Variants in IL27RA observed in about 807,000 individuals in gnomAD.
IL27RA encodes the protein interleukin-27 receptor subunit alpha.
In IL27RA, 61 loss-of-function variants were observed where a neutral mutation model predicts 80.8. That is an observed-to-expected ratio of 0.76 (90% CI 0.61 to 0.93). IL27RA has a LOEUF of 0.93. Among genes scored for constraint, IL27RA ranks in the 40% least tolerant of loss-of-function variants. IL27RA has a pLI of 0.00. For missense variants in IL27RA, 735 were observed against 808.1 expected (o/e 0.91, Z 1.10); for synonymous variants, 316 against 332.5 (o/e 0.95, Z 0.54).
At position 14,031,810 on chromosome 19, in the gene IL27RA, G is replaced by C; in HGVS notation, c.-63G>C. The C allele has an allele frequency of 7.2e-7, 1 of 1,389,338 alleles. No homozygotes were observed. The highest frequency in any genetic ancestry group is 1.3e-5 in the South Asian group (1 of 77,686). The allele number at this position is 1,389,338 out of a possible 1,614,324, so 86.1% of individuals were successfully genotyped here. A position where few individuals can be genotyped will look rare whatever the true frequency, so the allele number is the denominator to read the frequency against. On this transcript the variant is annotated 5_prime_UTR_variant, in exon 1 of 14. Coordinates refer to ENST00000263379, the MANE Select transcript of IL27RA (RefSeq NM_004843.4). ...GGGCGCTGTACCCAGAGCTCGAAGA[G>C]GAGCAGCGCGGCCGCGCGGACCCGG...
In IL27RA at chr19:14,049,194, G is replaced by A. The variant is rs1941037833; in HGVS notation, c.1282G>A (p.Ala428Thr). 8.7e-6 allele frequency: 14 copies of A among 1,614,136 alleles called. No individual in the cohort carries two copies. The highest frequency in any genetic ancestry group is 1.2e-5 in the Non-Finnish European group (14 of 1,179,998). ...GCCAACGCTTTGGCGACTCCAAGAT[G>A]CCCCTCCAGGGACCCCCGCCATAGC... ...VGPTLWRLQD[A>T]PPGTPAIAWG... is the part of the protein sequence containing the mutation. The change falls in exon 10 of 14, where the codon GCC (alanine) becomes ACC (threonine). Residue 428 changes from alanine (A) to threonine (T), a missense_variant. Coordinates refer to ENST00000263379, the MANE Select transcript of IL27RA (RefSeq NM_004843.4).
Position 14,040,006 on chromosome 19 carries a change from C to T in IL27RA, c.534+96C>T, listed in dbSNP as rs552269402. ...ACCCAGCCCAGGACTCATTCTGTGC[C>T]TGCCCCTGAGCCTGTATGCCTCCCA... On this transcript the variant is annotated intron_variant, in intron 4 of 13. Transcript: ENST00000263379. 118 of 1,266,328 alleles carry T rather than the reference C, an allele frequency of 9.3e-5. 2 individuals carry two copies. In the African/African-American group the frequency reaches 1.6e-3, roughly 17 times the overall value. 78.4% of individuals were successfully genotyped at this position (1,266,328 alleles called of 1,614,324 possible). A position where few individuals can be genotyped will look rare whatever the true frequency, so the allele number is the denominator to read the frequency against.
chr19:14,042,158 C>G (rs1405072677), intron 4 of IL27RA, among the ~76,000 whole-genome samples: 8 of 149,262 alleles, frequency 5.4e-5, no homozygotes, highest in Admixed American at 6.7e-5. Flanking sequence ...GAGATCGTGC[C>G]ACTGCACTCC....
rs143119833 is a variant in IL27RA at position 14,048,429 on chromosome 19, A to T, written c.1142-552A>T. Among the ~76,000 whole-genome samples the T allele has an allele frequency of 2.6e-5, 4 of 152,282 alleles. No individual in the cohort carries two copies. In the East Asian group the frequency reaches 7.7e-4, roughly 29 times the overall value. On this transcript the variant is annotated intron_variant, in intron 8 of 13. Transcript: ENST00000263379. ...GGAAAATTCCCAGTTGGGGAAGGCT[A>T]TGTGGATGTGATAGGGTTTAGGGGA...
At position 14,049,141 on chromosome 19, in the gene IL27RA, T is replaced by C; in HGVS notation, c.1244-15T>C. 6.2e-7 allele frequency: 1 copy of C among 1,613,160 alleles called. No homozygotes were observed. The highest frequency in any genetic ancestry group is 1.1e-5 in the South Asian group (1 of 91,070). The stretch of plus-strand genomic sequence containing the variant: ...GTAACCCAGGCCGACCTTGACCTAC[T>C]GCCTTCCTCCCCAGCACCCCTAGTG... On this transcript the variant is annotated splice_polypyrimidine_tract_variant and intron_variant, in intron 9 of 13. Coordinates refer to ENST00000263379, the MANE Select transcript of IL27RA (RefSeq NM_004843.4).
At chr19:14,036,907 C>T (rs1191002136) in intron 2 of IL27RA, among the ~76,000 whole-genome samples, 1 of 151,928 alleles carries the variant, frequency 6.6e-6, no homozygotes, top group Non-Finnish European at 1.5e-5. Flanking sequence ...GTGATCTCAG[C>T]TCACTGCAAC....
At chr19:14,044,066 A>G (rs1976029359) in intron 6 of IL27RA, among the ~76,000 whole-genome samples, 1 of 151,484 alleles carries the variant, frequency 6.6e-6, no homozygotes, top group Admixed American at 6.6e-5. Flanking sequence ...AAAAAAAAAA[A>G]AAGGTATTAT....
intron 10 of IL27RA, 93 bp from the exon 11 acceptor site, chr19:14,050,665 G>C: frequency 7.3e-7 from 1 of 1,361,592 alleles, no homozygotes; most frequent in Non-Finnish European, 1.0e-6. Flanking sequence ...GTGGATACCT[G>C]GGAGAGAGTG....
chr19:14,032,241 C>T (rs1975828029), intron 1 of IL27RA, 145 bp from the exon 2 acceptor site: 3 of 736,940 alleles, frequency 4.1e-6, no homozygotes, highest in Non-Finnish European at 6.9e-6. Flanking sequence ...GGAGCCCGGG[C>T]AGGGGTGCCT....
At chr19:14,047,815 G>A (rs1032659644) in intron 8 of IL27RA, among the ~76,000 whole-genome samples, 8 of 139,048 alleles carry the variant, frequency 5.8e-5, no homozygotes, top group African/African-American at 8.8e-5. Context: ...CACCACGCCC[G>A]GCTAATTTTT....
chr19:14,039,997 A>C, intron 4 of IL27RA, 87 bp downstream of exon 4: 1 of 1,333,696 alleles, frequency 7.5e-7, no homozygotes. Context: ...CCCAGGACTC[A>C]TTCTGTGCCT....
At chr19:14,032,070 G>A in intron 1 of IL27RA, 98 bp downstream of exon 1, 1 of 1,082,540 alleles carries the variant, frequency 9.2e-7, no homozygotes. Flanking sequence ...CAGAGCGAAC[G>A]GTAGAGGTGC....
intron 4 of IL27RA, among the ~76,000 whole-genome samples, 156 bp downstream of exon 4, chr19:14,040,066 C>T (rs1975967866): frequency 6.6e-6 from 1 of 152,058 alleles, no homozygotes; most frequent in South Asian, 2.1e-4. Context: ...TGTTCAGCTA[C>T]AAATTCTCCT....
chr19:14,046,553 G>A lies in IL27RA; in HGVS notation c.1076G>A (p.Gly359Glu), dbSNP rs763971517. 9 of 1,613,834 alleles carry A rather than the reference G, an allele frequency of 5.6e-6. No individual in the cohort carries two copies. Among genetic ancestry groups the A allele is most frequent in the Non-Finnish European group, 7.6e-6 (9 of 1,179,948 alleles). The change falls in exon 8 of 14, where the codon GGG becomes GAG. Residue 359 changes from glycine to glutamate, a missense_variant. Gly to Glu is a moderately conservative substitution (Grantham distance 98). Coordinates refer to ENST00000263379, the MANE Select transcript of IL27RA (RefSeq NM_004843.4). ...LEHVVDWARD[G>E]DPLEKLNWVR... Reference sequence around the variant, plus strand: ...CATGTAGTGGACTGGGCTCGAGATGGGGACCCCCTGGAGAAACTCAACTGG... The same window carrying A: ...CATGTAGTGGACTGGGCTCGAGATGAGGACCCCCTGGAGAAACTCAACTGG...
At position 14,046,607 on chromosome 19, in the gene IL27RA, C is replaced by A; in HGVS notation, c.1130C>A (p.Ala377Asp). Residue 377 changes from alanine to aspartate, a missense_variant, in exon 8 of 14, where the codon GCT (alanine) becomes GAT (aspartate). Coordinates refer to ENST00000263379, the MANE Select transcript of IL27RA (RefSeq NM_004843.4). ...CGGCTTCCCCCTGGGAACCTCAGTG[C>A]TCTGTTACCAGGTGAGGCCCTGGGA... The part of the protein sequence containing the change: ...WVRLPPGNLS[A>D]LLPGNFTVGV... 6.2e-7 allele frequency: 1 copy of A among 1,605,282 alleles called. No individual in the cohort carries two copies.
chr19:14,041,810 A>T (rs1446233437), intron 4 of IL27RA, among the ~76,000 whole-genome samples: 1 of 152,116 alleles, frequency 6.6e-6, no homozygotes, highest in Non-Finnish European at 1.5e-5. Flanking sequence ...CAGTAGCTCT[A>T]ATCCCAGCAC....
intron 2 of IL27RA, among the ~76,000 whole-genome samples, chr19:14,038,435 G>C (rs1243952871): frequency 1.3e-5 from 2 of 151,968 alleles, no homozygotes; most frequent in Non-Finnish European, 2.9e-5. Flanking sequence ...AAAATTAGCT[G>C]AACATTGTGA....
At chr19:14,039,968 C>A (rs1046851728) in intron 4 of IL27RA, 58 bp downstream of exon 4, 66 of 1,548,482 alleles carry the variant, frequency 4.3e-5, no homozygotes, top group Non-Finnish European at 5.4e-5. Context: ...GAGGCAACAT[C>A]TCCTAATCTG....
At position 14,047,654 on chromosome 19, in the gene IL27RA, GC is replaced by G. The variant is rs988001123; in HGVS notation, c.1141+1039del. 8.3e-3 allele frequency among the ~76,000 whole-genome samples: 1,129 copies of G among 136,352 alleles called. 15 individuals carry two copies. The highest frequency in any genetic ancestry group is 0.03 in the African/African-American group (1,051 of 34,844). 89.5% of individuals were successfully genotyped at this position (136,352 alleles called of 152,430 possible). Reference sequence around the variant, plus strand: ...TGACAGGGGTGAGCCACCATGCCTGGCCCTTTTTTTTTTTTTTTTTTTGGAG... The same window carrying G: ...TGACAGGGGTGAGCCACCATGCCTGGCCTTTTTTTTTTTTTTTTTTTGGAG... On this transcript the variant is annotated intron_variant, in intron 8 of 13. Transcript: ENST00000263379.
Sources: allele counts gnomAD v4.1 joint callset (sites outside exome capture counted in the v4.1 genomes callset), GRCh38; gene constraint gnomAD v4.1.1; transcripts MANE v1.5; gene names NCBI Gene and HGNC (gene_info 2026-07-23, HGNC 2026-07-21).